The following MECR variants were observed in gnomAD, a reference collection of about 807,000 sequenced individuals.
The protein encoded by MECR is enoyl-[acyl-carrier-protein] reductase, mitochondrial.
In MECR, 37 loss-of-function variants were observed where a neutral mutation model predicts 49.1. The ratio of observed to expected loss-of-function variants is 0.75; its 90% CI spans 0.58 to 0.99. The LOEUF is 0.99. MECR is among the 50% of genes least tolerant of loss of function. The probability of loss-of-function intolerance (pLI) is 0.00; values close to 1 mark genes in which losing one functional copy is unlikely to be tolerated. For missense variants in MECR, 470 were observed against 479.6 expected, an observed-to-expected ratio of 0.98 and a Z score of 0.19; for synonymous variants, 198 against 191.1, an observed-to-expected ratio of 1.04 and a Z score of -0.30.
chr1:29,183,363 G>A, the MECR span, among the ~76,000 whole-genome samples: 1 of 152,084 alleles, frequency 6.6e-6, no homozygotes, highest in African/African-American at 2.4e-5. Context: ...TTATTACACT[G>A]CTGCAGTAAC....
the MECR span, among the ~76,000 whole-genome samples, chr1:29,182,323 G>A: frequency 6.6e-6 from 1 of 152,178 alleles, no homozygotes; most frequent in Non-Finnish European, 1.5e-5. Context: ...TTCTGTAAAA[G>A]GGGGAGAGTA....
chr1:29,178,700 C>G, the MECR span, among the ~76,000 whole-genome samples: 1 of 152,158 alleles, frequency 6.6e-6, no homozygotes, highest in Non-Finnish European at 1.5e-5. Context: ...ACATGCTTCC[C>G]AGTAGGGAGA....
At chr1:29,210,315 G>A (rs1435786794) in intron 3 of MECR, among the ~76,000 whole-genome samples, 2 of 152,216 alleles carry the variant, frequency 1.3e-5, no homozygotes, top group East Asian at 3.9e-4. Context: ...CCCGGCCCAG[G>A]AACACTTTTT....
intron 3 of MECR, among the ~76,000 whole-genome samples, 179 bp downstream of exon 3, chr1:29,215,826 G>A (rs1044108982): frequency 2.0e-5 from 3 of 152,074 alleles, no homozygotes; most frequent in African/African-American, 4.8e-5. Flanking sequence ...AGCTGAGATC[G>A]CGCCATTGCA....
At chr1:29,177,550 G>A in the MECR span, among the ~76,000 whole-genome samples, 25 of 152,168 alleles carry the variant, frequency 1.6e-4, no homozygotes, top group East Asian at 3.8e-4. Flanking sequence ...TCAAAGTGCC[G>A]GGGTTACAGG....
At position 29,207,958 on chromosome 1, in the gene MECR, A is replaced by G. The variant is rs1482401000; in HGVS notation, c.407-1053T>C. On this transcript the variant is annotated intron_variant, in intron 3 of 9. Coordinates refer to ENST00000263702, the MANE Select transcript of MECR (RefSeq NM_016011.5). ...TGAGAAAGCCCCCTTTTTCCTACAC[A>G]GTCCTCATTCTTCTCATCCAGAGCA... 5.9e-5 allele frequency among the ~76,000 whole-genome samples: 9 copies of G among 151,952 alleles called. No homozygotes were observed. The South Asian group carries it at 1.9e-3, about 32-fold the overall frequency.
At chr1:29,208,675 G>A (rs529751025) in intron 3 of MECR, among the ~76,000 whole-genome samples, 2 of 152,286 alleles carry the variant, frequency 1.3e-5, no homozygotes, top group African/African-American at 4.8e-5. Context: ...GCTTATCTAG[G>A]CAGAGTTGGA....
chr1:29,169,674 A>G, the MECR span: 5 of 152,260 alleles, frequency 3.3e-5, no homozygotes, highest in Admixed American at 6.5e-5. Flanking sequence ...CCTTTCTCAT[A>G]AAGTAAACCA....
chr1:29,230,599 T>G, intron 1 of MECR, 132 bp downstream of exon 1: 16 of 1,210,520 alleles, frequency 1.3e-5, no homozygotes, highest in Non-Finnish European at 1.8e-5. Context: ...AAAAACGCCC[T>G]GGGCTTCGGC....
At chr1:29,178,327 C>CA in the MECR span, among the ~76,000 whole-genome samples, 2 of 149,122 alleles carry the variant, frequency 1.3e-5, no homozygotes, top group African/African-American at 4.9e-5. Flanking sequence ...CTAAAGCATC[C>CA]AAAATCTGTT....
intron 1 of MECR, chr1:29,220,939 G>C (rs1680612258): frequency 2.0e-6 from 2 of 984,746 alleles, no homozygotes; most frequent in African/African-American, 3.5e-5. Context: ...GAATCACTGA[G>C]TCACTGAAAG....
At chr1:29,190,225 A>G (rs1388463316), downstream of MECR, among the ~76,000 whole-genome samples, 1 of 151,692 alleles carries the variant, frequency 6.6e-6, no homozygotes, top group South Asian at 2.1e-4. Flanking sequence ...ATACAAAAAA[A>G]TTAGCCAGGC....
At chr1:29,212,967 A>T (rs1405969713) in intron 3 of MECR, among the ~76,000 whole-genome samples, 1 of 152,146 alleles carries the variant, frequency 6.6e-6, no homozygotes, top group Non-Finnish European at 1.5e-5. Context: ...TGTGCCTGGG[A>T]AGCCCCTCCT....
downstream of MECR, among the ~76,000 whole-genome samples, chr1:29,190,077 T>G (rs993483065): frequency 2.0e-5 from 3 of 152,170 alleles, no homozygotes; most frequent in Non-Finnish European, 1.5e-5. Context: ...CCTTTGATCT[T>G]GCTGTACATA....
downstream of MECR, among the ~76,000 whole-genome samples, chr1:29,191,463 CT>C (rs535057033): frequency 2.0e-5 from 3 of 152,326 alleles, no homozygotes; most frequent in African/African-American, 7.2e-5. Flanking sequence ...ACCAGCACGC[CT>C]GTCTAATTAT....
chr1:29,169,614 T>A, the MECR span: 17 of 152,144 alleles, frequency 1.1e-4, no homozygotes, highest in Non-Finnish European at 2.2e-4. Context: ...GAAACTTATA[T>A]CTCAGCAATG....
intron 1 of MECR, among the ~76,000 whole-genome samples, chr1:29,218,698 C>A (rs1680062163): frequency 1.3e-5 from 2 of 152,146 alleles, no homozygotes; most frequent in South Asian, 2.1e-4. Flanking sequence ...TAGTGAAACC[C>A]CATCTCTTCT....
Position 29,217,884 on chromosome 1 carries a change from G to T in MECR, c.177-1199C>A, listed in dbSNP as rs182286240. ...ATGGCTGTGATTCACTCTGAGTGATGTCCCTTCTGGAGGAGGATTCTTGTC... is the reference window on the plus strand; with the variant it reads ...ATGGCTGTGATTCACTCTGAGTGATTTCCCTTCTGGAGGAGGATTCTTGTC... On this transcript the variant is annotated intron_variant, in intron 1 of 9. Transcript: ENST00000263702. Among the ~76,000 whole-genome samples, 4 of 152,338 alleles carry T rather than the reference G, an allele frequency of 2.6e-5. No homozygotes were observed. In the East Asian group the frequency reaches 7.7e-4, roughly 29 times the overall value.
chr1:29,216,228 G>A, intron 2 of MECR, 92 bp from the exon 3 acceptor site: 1 of 1,508,492 alleles, frequency 6.6e-7, no homozygotes, highest in Non-Finnish European at 9.1e-7. Flanking sequence ...GCCTGATCTG[G>A]GCTCTGCTTT....
Sources: gnomAD v4.1 joint callset for allele counts (sites outside exome capture counted in the v4.1 genomes callset) on GRCh38, gnomAD v4.1.1 for gene constraint, MANE v1.5 for transcripts, NCBI Gene and HGNC (gene_info 2026-07-23, HGNC 2026-07-21) for gene names.